The following CDC14A variants were observed in gnomAD, a reference collection of about 807,000 sequenced individuals.
CDC14A encodes the protein dual specificity protein phosphatase CDC14A.
Under a neutral mutation model 74.4 loss-of-function variants are expected in CDC14A, and 53 were observed. The observed-to-expected ratio is 0.71, with a 90% CI of 0.57 to 0.89. The LOEUF is 0.89. Among genes scored for constraint, CDC14A ranks in the 40% least tolerant of loss-of-function variants. The pLI is 0.00. For missense variants in CDC14A, 646 were observed against 713.7 expected (o/e 0.91, Z 1.08); for synonymous variants, 247 against 258.4 (o/e 0.96, Z 0.43).
intron 2 of CDC14A, 83 bp from the exon 3 acceptor site, chr1:100,377,463 A>G: frequency 2.3e-6 from 2 of 870,610 alleles, no homozygotes. Flanking sequence ...TTGTAAATTT[A>G]ATGAAATTAA....
At position 100,352,933 on chromosome 1, in the gene CDC14A, C is replaced by T; in HGVS notation, c.-22C>T. ...TTCAGCTGGCCACGACCCAGCCCTC[C>T]CCCGTGCGTATCTCGCTTAAGATGG... On this transcript the variant is annotated 5_prime_UTR_variant, in exon 1 of 16. Transcript: ENST00000336454. 1 of 1,613,710 alleles carries T rather than the reference C, an allele frequency of 6.2e-7. No individual in the cohort carries two copies. Among genetic ancestry groups the T allele is most frequent in the Non-Finnish European group, 8.5e-7 (1 of 1,179,978 alleles).
chr1:100,408,089 C>T (rs1464311695), intron 4 of CDC14A, among the ~76,000 whole-genome samples: 2 of 151,946 alleles, frequency 1.3e-5, no homozygotes, highest in Non-Finnish European at 1.5e-5. Context: ...CCAAGTTGGC[C>T]CAAGTGTTTG....
At chr1:100,470,657 G>A (rs942844044) in intron 10 of CDC14A, among the ~76,000 whole-genome samples, 1 of 152,044 alleles carries the variant, frequency 6.6e-6, no homozygotes, top group African/African-American at 2.4e-5. Context: ...CAAAAGCCTT[G>A]GCCAGATATC....
intron 4 of CDC14A, among the ~76,000 whole-genome samples, chr1:100,400,757 T>C (rs543779108): frequency 5.3e-4 from 81 of 152,348 alleles, no homozygotes; most frequent in Non-Finnish European, 9.7e-4. Context: ...TAGAGCAGTG[T>C]CACCTCTTAA....
chr1:100,368,522 T>C (rs989748017), intron 2 of CDC14A, among the ~76,000 whole-genome samples: 1 of 152,226 alleles, frequency 6.6e-6, no homozygotes, highest in Admixed American at 6.5e-5. Flanking sequence ...ATCTTTGAAT[T>C]TGAGTTTGAA....
At chr1:100,449,111 C>T (rs1557771234) in intron 7 of CDC14A, among the ~76,000 whole-genome samples, 1 of 152,180 alleles carries the variant, frequency 6.6e-6, no homozygotes, top group Admixed American at 6.5e-5. Context: ...CTATCTTCAC[C>T]TAAAGGGTGC....
intron 5 of CDC14A, among the ~76,000 whole-genome samples, chr1:100,426,265 A>AC (rs1557747650): frequency 6.6e-6 from 1 of 151,924 alleles, no homozygotes; most frequent in African/African-American, 2.4e-5. Context: ...GGCCCCCACC[A>AC]CCATGCCTGG....
chr1:100,511,312 C>T lies in CDC14A; in HGVS notation c.1756-6939C>T, dbSNP rs557267415. ...GGGAAAGAGAAGCCTGCACTTCCCC[C>T]TCCCTTGTCTCTTTGATACTCCTCC... On this transcript the variant is annotated intron_variant, in intron 15 of 15. Transcript: ENST00000336454. 7.2e-5 allele frequency among the ~76,000 whole-genome samples: 11 copies of T among 152,298 alleles called. No individual in the cohort carries two copies. The East Asian group carries it at 1.7e-3, about 24-fold the overall frequency.
intron 4 of CDC14A, among the ~76,000 whole-genome samples, chr1:100,419,840 A>G (rs1662041202): frequency 6.6e-6 from 1 of 151,992 alleles, no homozygotes; most frequent in Non-Finnish European, 1.5e-5. Flanking sequence ...GGCTATTGTC[A>G]GCATTTGTTT....
intron 2 of CDC14A, among the ~76,000 whole-genome samples, chr1:100,369,357 T>A (rs1164635571): frequency 1.3e-5 from 2 of 152,220 alleles, no homozygotes; most frequent in African/African-American, 4.8e-5. Context: ...TCCGCCCACC[T>A]TGGCCTCCCA....
chr1:100,423,661 T>C (rs1348015137), intron 4 of CDC14A: 1 of 154,388 alleles, frequency 6.5e-6, no homozygotes, highest in African/African-American at 2.4e-5. Context: ...TTTAAGTAGC[T>C]TTGGTATCAA....
At chr1:100,401,447 G>A (rs886278026) in intron 4 of CDC14A, among the ~76,000 whole-genome samples, 5 of 152,086 alleles carry the variant, frequency 3.3e-5, no homozygotes, top group Admixed American at 6.5e-5. Context: ...TTATGAAGTC[G>A]GTACTAATTG....
intron 2 of CDC14A, among the ~76,000 whole-genome samples, chr1:100,374,719 T>C (rs544937378): frequency 9.2e-5 from 14 of 152,348 alleles, no homozygotes; most frequent in Non-Finnish European, 1.5e-4. Context: ...TTTTATGTAA[T>C]GTAATGACAT....
intron 11 of CDC14A, among the ~76,000 whole-genome samples, chr1:100,489,877 G>A (rs1315331446): frequency 6.6e-6 from 1 of 152,146 alleles, no homozygotes; most frequent in East Asian, 1.9e-4. Context: ...TCCTGGACTA[G>A]CTTAGGACAA....
intron 8 of CDC14A, among the ~76,000 whole-genome samples, chr1:100,456,867 A>G (rs1011259785): frequency 6.6e-6 from 1 of 152,208 alleles, no homozygotes; most frequent in African/African-American, 2.4e-5. Flanking sequence ...GGATACCTCT[A>G]TGGTGAAGTC....
At chr1:100,420,966 T>C (rs1036599250) in intron 4 of CDC14A, among the ~76,000 whole-genome samples, 15 of 152,320 alleles carry the variant, frequency 9.8e-5, no homozygotes, top group African/African-American at 3.1e-4. Flanking sequence ...GTCACTTTAA[T>C]TGGGTGACTC....
intron 4 of CDC14A, among the ~76,000 whole-genome samples, chr1:100,396,172 C>T (rs566728565): frequency 7.2e-5 from 11 of 152,314 alleles, no homozygotes; most frequent in East Asian, 3.9e-4. Context: ...GGTATTCACC[C>T]GTTGAGTTGG....
chr1:100,348,697 C>T (rs1338678051), upstream of CDC14A, among the ~76,000 whole-genome samples: 1 of 152,212 alleles, frequency 6.6e-6, no homozygotes, highest in African/African-American at 2.4e-5. Context: ...TTCAAGGAAA[C>T]TGCCTTTGCA....
At chr1:100,386,807 A>T (rs773582204) in intron 3 of CDC14A, among the ~76,000 whole-genome samples, 1 of 152,174 alleles carries the variant, frequency 6.6e-6, no homozygotes, top group Non-Finnish European at 1.5e-5. Flanking sequence ...GTCCTGTCCT[A>T]TTGTCTCCAA....
Sources: gnomAD v4.1 joint callset for allele counts (sites outside exome capture counted in the v4.1 genomes callset) on GRCh38, gnomAD v4.1.1 for gene constraint, MANE v1.5 for transcripts, NCBI Gene and HGNC (gene_info 2026-07-23, HGNC 2026-07-21) for gene names.